IFNA10: variants seen among roughly 807,000 people sequenced by gnomAD.
IFNA10 encodes interferon alpha 10, also known as interferon alpha-10.
For synonymous variants in IFNA10, 96 were observed against 83.7 expected (o/e 1.15, Z -0.80); for missense variants, 246 against 213.0 (o/e 1.15, Z -0.96).
Position 21,206,966 on chromosome 9 carries a change from C to T in IFNA10, c.132G>A (p.Met44Ile). Residue 44 changes from methionine to isoleucine, a missense_variant, in exon 1 of 1, where the codon ATG (methionine) becomes ATA (isoleucine). Physicochemically the swap from Met to Ile is conservative, Grantham distance 10 (BLOSUM62 1). Transcript: ENST00000357374. ...GGCAGGAGAAAGGAGAGATTCTTCC[C>T]ATTTGTCCCAGGAGTATCAAGGCCC... ...NRRALILLGQ[M>I]GRISPFSCLK... The T allele has an allele frequency of 6.2e-7, 1 of 1,613,854 alleles. No individual in the cohort carries two copies. Among genetic ancestry groups the T allele is most frequent in the Non-Finnish European group, 8.5e-7 (1 of 1,180,014 alleles).
rs1239867732 is a variant in IFNA10 at position 21,206,665 on chromosome 9, T to C, written c.433A>G (p.Lys145Glu). The change falls in exon 1 of 1, where the codon AAA (lysine) becomes GAA (glutamate). Residue 145 changes from lysine to glutamate, a missense_variant. Coordinates refer to ENST00000357374, the MANE Select transcript of IFNA10 (RefSeq NM_002171.2). ...MNEDSILAVR[K>E]YFQRITLYLI... ...TAAAGAGTGATTCTTTGGAAGTATT[T>C]CCTCACAGCCAGGATGGAGTCCTCA... 6.2e-7 allele frequency: 1 copy of C among 1,613,952 alleles called. No individual in the cohort carries two copies. Among genetic ancestry groups the C allele is most frequent in the South Asian group, 1.1e-5 (1 of 91,078 alleles).
Position 21,206,511 on chromosome 9 carries a change from C to A in IFNA10, c.*17G>T. The A allele has an allele frequency of 6.2e-7, 1 of 1,612,586 alleles. No homozygotes were observed. The highest frequency in any genetic ancestry group is 1.1e-5 in the South Asian group (1 of 90,910). On this transcript the variant is annotated 3_prime_UTR_variant, in exon 1 of 1. Coordinates refer to ENST00000357374, the MANE Select transcript of IFNA10 (RefSeq NM_002171.2). ...ATGTATTAGTCAATCAGGATCATTG[C>A]CATGTTGAACCAGTTTTCAATCCTT...
rs894979618 is a variant in IFNA10, at chr9:21,206,639, A to G, written c.459T>C (p.Tyr153=). The change falls in exon 1 of 1, where the codon TAT becomes TAC. Residue 153 remains tyrosine, a synonymous_variant. Coordinates refer to ENST00000357374, the MANE Select transcript of IFNA10 (RefSeq NM_002171.2). ...VRKYFQRITL[Y]LIERKYSPCA... is the part of the protein sequence containing the mutation. ...AAGGGCTGTATTTCCTCTCTATTAG[A>G]TAAAGAGTGATTCTTTGGAAGTATT... The G allele has an allele frequency of 2.5e-6, 4 of 1,613,800 alleles. No individual in the cohort carries two copies. The African/African-American group carries it at 5.4e-5, about 22-fold the overall frequency.
chr9:21,206,363 T>G lies in IFNA10; in HGVS notation c.*165A>C. The G allele has an allele frequency of 1.9e-6, 2 of 1,044,144 alleles. No individual in the cohort carries two copies. Among genetic ancestry groups the G allele is most frequent in the Non-Finnish European group, 2.8e-6 (2 of 719,902 alleles). 64.7% of individuals were successfully genotyped at this position (1,044,144 alleles called of 1,614,324 possible). A position where few individuals can be genotyped will look rare whatever the true frequency, so the allele number is the denominator to read the frequency against. On this transcript the variant is annotated 3_prime_UTR_variant, in exon 1 of 1. Transcript: ENST00000357374. ...AGAATGGTCATCTGTAAAGGACTAG[T>G]GCCTGCACAGGTATACACGACACTT...
chr9:21,206,699 G>A lies in IFNA10; in HGVS notation c.399C>T (p.Pro133=), dbSNP rs1396704423. Residue 133 remains proline (P), a synonymous_variant, in exon 1 of 1, where the codon CCC becomes CCT. Coordinates refer to ENST00000357374, the MANE Select transcript of IFNA10 (RefSeq NM_002171.2). ...VIQEVGVEET[P]LMNEDSILAV... ...CCAGGATGGAGTCCTCATTCATCAG[G>A]GGAGTCTCTTCCACCCCAACCTCCT... The A allele has an allele frequency of 6.2e-7, 1 of 1,613,708 alleles. No homozygotes were observed. The highest frequency in any genetic ancestry group is 8.5e-7 in the Non-Finnish European group (1 of 1,179,960).
chr9:21,206,429 C>A lies in IFNA10; in HGVS notation c.*99G>T. On this transcript the variant is annotated 3_prime_UTR_variant, in exon 1 of 1. Transcript: ENST00000357374. ...AACATTTGAAAATTTTGATTCAACG[C>A]GTCGTGGTTATAGAAGTGAGTCTTT... 6.4e-7 allele frequency: 1 copy of A among 1,567,814 alleles called. No individual in the cohort carries two copies. Among genetic ancestry groups the A allele is most frequent in the Non-Finnish European group, 8.6e-7 (1 of 1,161,164 alleles).
At position 21,206,356 on chromosome 9, in the gene IFNA10, G is replaced by T. The variant is rs1730168556; in HGVS notation, c.*172C>A. The T allele has an allele frequency of 2.1e-6, 2 of 959,868 alleles. No individual in the cohort carries two copies. The highest frequency in any genetic ancestry group is 5.7e-5 in the Admixed American group (2 of 35,232). The allele number at this position is 959,868 out of a possible 1,614,324, so 59.5% of individuals were successfully genotyped here. A position where few individuals can be genotyped will look rare whatever the true frequency, so the allele number is the denominator to read the frequency against. The stretch of plus-strand genomic sequence containing the variant: ...AGACATCAGAATGGTCATCTGTAAA[G>T]GACTAGTGCCTGCACAGGTATACAC... On this transcript the variant is annotated 3_prime_UTR_variant, in exon 1 of 1. Coordinates refer to ENST00000357374, the MANE Select transcript of IFNA10 (RefSeq NM_002171.2).
In IFNA10 at chr9:21,206,403, A is replaced by G. The variant is rs1818269408; in HGVS notation, c.*125T>C. 4 of 1,509,042 alleles carry G rather than the reference A, an allele frequency of 2.7e-6. No homozygotes were observed. Among genetic ancestry groups the G allele is most frequent in the Admixed American group, 4.2e-5 (2 of 47,678 alleles). The allele number at this position is 1,509,042 out of a possible 1,614,324, so 93.5% of individuals were successfully genotyped here. A position where few individuals can be genotyped will look rare whatever the true frequency, so the allele number is the denominator to read the frequency against. ...ACACGACACTTCTTTACACTGCTGA[A>G]AACATTTGAAAATTTTGATTCAACG... On this transcript the variant is annotated 3_prime_UTR_variant, in exon 1 of 1. Transcript: ENST00000357374.
At position 21,206,860 on chromosome 9, in the gene IFNA10, G is replaced by A. The variant is rs773075224; in HGVS notation, c.238C>T (p.Leu80Phe). ...QFQKAQAISV[L>F]HEMIQQTFNL... ...AAGGTCTGCTGGATCATCTCATGGA[G>A]GACAGAGATGGCTTGAGCCTTCTGG... The change falls in exon 1 of 1, where the codon CTC becomes TTC. Residue 80 changes from leucine to phenylalanine, a missense_variant. Leu to Phe is a conservative substitution (Grantham distance 22). Coordinates refer to ENST00000357374, the MANE Select transcript of IFNA10 (RefSeq NM_002171.2). The A allele has an allele frequency of 1.2e-5, 19 of 1,613,468 alleles. No individual in the cohort carries two copies. Among genetic ancestry groups the A allele is most frequent in the East Asian group, 2.2e-5 (1 of 44,878 alleles).
At position 21,206,995 on chromosome 9, in the gene IFNA10, T is replaced by C. The variant is rs752829865; in HGVS notation, c.103A>G (p.Arg35Gly). 13 of 1,613,766 alleles carry C rather than the reference T, an allele frequency of 8.1e-6. No individual in the cohort carries two copies. The South Asian group carries it at 1.4e-4, about 18-fold the overall frequency. ...TGTCCCAGGAGTATCAAGGCCCTCC[T>C]ATTACCCAGGCTGTGGGTCTGAGGC... is the stretch of plus-strand genomic sequence containing the variant. ...DLPQTHSLGNRRALILLGQMG... is the reference protein window; with the variant it reads ...DLPQTHSLGNGRALILLGQMG... The change falls in exon 1 of 1, where the codon AGG becomes GGG. Residue 35 changes from arginine (R) to glycine (G), a missense_variant. Coordinates refer to ENST00000357374, the MANE Select transcript of IFNA10 (RefSeq NM_002171.2).
rs893476327 is a variant in IFNA10, at chr9:21,206,447, G to A, written c.*81C>T. On this transcript the variant is annotated 3_prime_UTR_variant, in exon 1 of 1. Coordinates refer to ENST00000357374, the MANE Select transcript of IFNA10 (RefSeq NM_002171.2). ...TTCAACGCGTCGTGGTTATAGAAGT[G>A]AGTCTTTGAAATGGAAGAACTCATG... 1.7e-5 allele frequency: 27 copies of A among 1,581,096 alleles called. No individual in the cohort carries two copies. In the African/African-American group the frequency reaches 2.3e-4, roughly 14 times the overall value.
Position 21,206,686 on chromosome 9 carries a change from C to T in IFNA10, c.412G>A (p.Asp138Asn), listed in dbSNP as rs771522063. ...TATTTCCTCACAGCCAGGATGGAGT[C>T]CTCATTCATCAGGGGAGTCTCTTCC... is the stretch of plus-strand genomic sequence containing the variant. Reference protein sequence around the residue: ...GVEETPLMNEDSILAVRKYFQ... With the variant: ...GVEETPLMNENSILAVRKYFQ... Residue 138 changes from aspartate to asparagine, a missense_variant, in exon 1 of 1, where the codon GAC (aspartate) becomes AAC (asparagine). By Grantham distance (23) the Asp-to-Asn change is conservative. Transcript: ENST00000357374. The T allele has an allele frequency of 1.2e-6, 2 of 1,613,770 alleles. No individual in the cohort carries two copies. The highest frequency in any genetic ancestry group is 2.2e-5 in the South Asian group (2 of 91,070).
At position 21,206,286 on chromosome 9, in the gene IFNA10, A is replaced by G. The variant is rs539704027; in HGVS notation, c.*242T>C. On this transcript the variant is annotated 3_prime_UTR_variant, in exon 1 of 1. Transcript: ENST00000357374. ...GTAAAGCGACTCATGATATTACATA[A>G]ATTTTAAAAATAATTAAATAAATAT... The G allele has an allele frequency of 4.5e-5, 17 of 380,226 alleles. No homozygotes were observed. Among genetic ancestry groups the G allele is most frequent in the African/African-American group, 3.2e-4 (15 of 47,528 alleles). The allele number at this position is 380,226 out of a possible 1,614,324, so 23.6% of individuals were successfully genotyped here. A position where few individuals can be genotyped will look rare whatever the true frequency, so the allele number is the denominator to read the frequency against.
Position 21,206,384 on chromosome 9 carries a change from C to A in IFNA10, c.*144G>T, listed in dbSNP as rs1818269127. ...CTAGTGCCTGCACAGGTATACACGA[C>A]ACTTCTTTACACTGCTGAAAACATT... On this transcript the variant is annotated 3_prime_UTR_variant, in exon 1 of 1. Coordinates refer to ENST00000357374, the MANE Select transcript of IFNA10 (RefSeq NM_002171.2). 1.4e-5 allele frequency: 19 copies of A among 1,364,128 alleles called. No individual in the cohort carries two copies. Among genetic ancestry groups the A allele is most frequent in the Non-Finnish European group, 1.9e-5 (19 of 998,390 alleles). The allele number at this position is 1,364,128 out of a possible 1,614,324, so 84.5% of individuals were successfully genotyped here.
rs368179311 is a variant in IFNA10 at position 21,206,266 on chromosome 9, G to C, written c.*262C>G. 49 of 296,926 alleles carry C rather than the reference G, an allele frequency of 1.7e-4. No homozygotes were observed. The highest frequency in any genetic ancestry group is 5.7e-4 in the African/African-American group (26 of 45,702). The allele number at this position is 296,926 out of a possible 1,614,324, so 18.4% of individuals were successfully genotyped here. A position where few individuals can be genotyped will look rare whatever the true frequency, so the allele number is the denominator to read the frequency against. On this transcript the variant is annotated 3_prime_UTR_variant, in exon 1 of 1. Transcript: ENST00000357374. The stretch of plus-strand genomic sequence containing the variant: ...ATTGTTACATTAACCACAATGTAAA[G>C]CGACTCATGATATTACATAAATTTT...
At position 21,207,061 on chromosome 9, in the gene IFNA10, C is replaced by T. The variant is rs1208437040; in HGVS notation, c.37G>A (p.Val13Met). The part of the protein sequence containing the change: ...LSFSLLMAVL[V>M]LSYKSICSLG... ...GAACAGATGGATTTGTAGCTGAGCA[C>T]CAGCACGGCCATAAGTAAAGAAAAG... The change falls in exon 1 of 1, where the codon GTG becomes ATG. Residue 13 changes from valine to methionine, a missense_variant. Transcript: ENST00000357374. 1 of 1,610,924 alleles carries T rather than the reference C, an allele frequency of 6.2e-7. No individual in the cohort carries two copies. Among genetic ancestry groups the T allele is most frequent in the Non-Finnish European group, 8.5e-7 (1 of 1,178,976 alleles).
At position 21,206,928 on chromosome 9, in the gene IFNA10, T is replaced by C. The variant is rs780680947; in HGVS notation, c.170A>G (p.His57Arg). Residue 57 changes from histidine to arginine, a missense_variant, in exon 1 of 1, where the codon CAT (histidine) becomes CGT (arginine). Transcript: ENST00000357374. ...CTCCTCCTGGGGGATTCGGAAATCA[T>C]GTCTGTCCTTCAGGCAGGAGAAAGG... Reference protein sequence around the residue: ...ISPFSCLKDRHDFRIPQEEFD... With the variant: ...ISPFSCLKDRRDFRIPQEEFD... 14 of 1,613,906 alleles carry C rather than the reference T, an allele frequency of 8.7e-6. No homozygotes were observed. In the South Asian group the frequency reaches 1.2e-4, roughly 14 times the overall value.
chr9:21,206,641 A>T lies in IFNA10; in HGVS notation c.457T>A (p.Tyr153Asn). The T allele has an allele frequency of 6.2e-7, 1 of 1,613,930 alleles. No individual in the cohort carries two copies. The highest frequency in any genetic ancestry group is 8.5e-7 in the Non-Finnish European group (1 of 1,180,004). Reference protein sequence around the residue: ...VRKYFQRITLYLIERKYSPCA... With the variant: ...VRKYFQRITLNLIERKYSPCA... ...GGGCTGTATTTCCTCTCTATTAGATAAAGAGTGATTCTTTGGAAGTATTTC... is the reference window on the plus strand; with the variant it reads ...GGGCTGTATTTCCTCTCTATTAGATTAAGAGTGATTCTTTGGAAGTATTTC... Residue 153 changes from tyrosine (Y) to asparagine (N), a missense_variant, in exon 1 of 1, where the codon TAT (tyrosine) becomes AAT (asparagine). Physicochemically the swap from Tyr to Asn is moderately radical, Grantham distance 143 (BLOSUM62 -2). Transcript: ENST00000357374.
chr9:21,206,682 G>A lies in IFNA10; in HGVS notation c.416C>T (p.Ser139Phe), dbSNP rs545797733. The change falls in exon 1 of 1, where the codon TCC (serine) becomes TTC (phenylalanine). Residue 139 changes from serine (S) to phenylalanine (F), a missense_variant. Transcript: ENST00000357374. ...GAAGTATTTCCTCACAGCCAGGATG[G>A]AGTCCTCATTCATCAGGGGAGTCTC... is the stretch of plus-strand genomic sequence containing the variant. ...VEETPLMNED[S>F]ILAVRKYFQR... 2.9e-5 allele frequency: 47 copies of A among 1,613,660 alleles called. No individual in the cohort carries two copies. Among genetic ancestry groups the A allele is most frequent in the East Asian group, 1.8e-4 (8 of 44,882 alleles).
Sources: gnomAD v4.1 joint callset for allele counts on GRCh38, gnomAD v4.1.1 for gene constraint, MANE v1.5 for transcripts, NCBI Gene and HGNC (gene_info 2026-07-23, HGNC 2026-07-21) for gene names.